Variants in THOC1 observed in about 807,000 individuals in gnomAD.
The protein encoded by THOC1 is THO complex 1.
THOC1 carries 29 observed loss-of-function variants against 97.3 expected under a neutral mutation model. That is an observed-to-expected ratio of 0.30 (90% CI 0.22 to 0.41). THOC1 has a LOEUF of 0.41. Among genes scored for constraint, THOC1 ranks in the 10% least tolerant of loss-of-function variants. The pLI is 1.00. For missense variants in THOC1, 529 were observed against 761.9 expected (o/e 0.69, Z 3.60); for synonymous variants, 255 against 257.0 (o/e 0.99, Z 0.07).
At position 226,789 on chromosome 18, in the gene THOC1, A is replaced by G. The variant is rs560300271; in HGVS notation, c.1019+12T>C. The G allele has an allele frequency of 1.6e-5, 25 of 1,593,688 alleles. 1 individual carries two copies. In the South Asian group the frequency reaches 2.5e-4, roughly 16 times the overall value. On this transcript the variant is annotated intron_variant, in intron 12 of 20. Coordinates refer to ENST00000261600, the MANE Select transcript of THOC1 (RefSeq NM_005131.3). ...ACTGTTTACAAATTGTTTACTACCC[A>G]TATTATCTTACCTTTTGAATTTGAC...
intron 7 of THOC1, among the ~76,000 whole-genome samples, chr18:255,728 T>G (rs1912416531): frequency 6.6e-6 from 1 of 152,236 alleles, no homozygotes; most frequent in Admixed American, 6.5e-5. Context: ...TATTGGAAGA[T>G]GCTGTTTAGG....
chr18:234,294 A>G (rs1158682127), intron 11 of THOC1, among the ~76,000 whole-genome samples: 1 of 152,070 alleles, frequency 6.6e-6, no homozygotes, highest in African/African-American at 2.4e-5. Flanking sequence ...TCTTATTGAA[A>G]TGGTTAGATC....
At position 247,832 on chromosome 18, in the gene THOC1, T is replaced by G; in HGVS notation, c.786+17A>C. ...ATAAAATACTGGGCTTCTGATAGTCTGTCAATGGCAACTTACCTTGAGAAA... is the reference window on the plus strand; with the variant it reads ...ATAAAATACTGGGCTTCTGATAGTCGGTCAATGGCAACTTACCTTGAGAAA... On this transcript the variant is annotated intron_variant, in intron 10 of 20. Transcript: ENST00000261600. 1 of 1,487,840 alleles carries G rather than the reference T, an allele frequency of 6.7e-7. No individual in the cohort carries two copies. The highest frequency in any genetic ancestry group is 9.3e-7 in the Non-Finnish European group (1 of 1,070,418). The allele number at this position is 1,487,840 out of a possible 1,614,324, so 92.2% of individuals were successfully genotyped here.
intron 7 of THOC1, among the ~76,000 whole-genome samples, chr18:257,103 C>T (rs377630618): frequency 1.6e-4 from 25 of 152,206 alleles, no homozygotes; most frequent in East Asian, 1.3e-3. Context: ...AACTTTTATA[C>T]GCACTGGGAA....
At chr18:267,532 C>T (rs1405409491) in intron 1 of THOC1, among the ~76,000 whole-genome samples, 1 of 152,192 alleles carries the variant, frequency 6.6e-6, no homozygotes, top group Non-Finnish European at 1.5e-5. Context: ...GGTGAAGAGA[C>T]GGCGGGAACA....
intron 9 of THOC1, among the ~76,000 whole-genome samples, chr18:251,700 C>T (rs1912284832): frequency 1.3e-5 from 2 of 152,114 alleles, no homozygotes; most frequent in African/African-American, 4.8e-5. Context: ...AAATAACTGG[C>T]ATGTCTAAAT....
intron 1 of THOC1, among the ~76,000 whole-genome samples, chr18:266,869 C>T (rs769866381): frequency 5.2e-4 from 79 of 152,084 alleles, no homozygotes; most frequent in Non-Finnish European, 7.5e-4. Flanking sequence ...CTAACAGTTA[C>T]TCTTAGCAGG....
At position 218,968 on chromosome 18, in the gene THOC1, C is replaced by T; in HGVS notation, c.1372G>A (p.Glu458Lys). 2 of 1,597,424 alleles carry T rather than the reference C, an allele frequency of 1.3e-6. No individual in the cohort carries two copies. Among genetic ancestry groups the T allele is most frequent in the East Asian group, 2.2e-5 (1 of 44,626 alleles). Residue 458 changes from glutamate (E) to lysine (K), a missense_variant and splice_region_variant, in exon 18 of 21, where the codon GAA becomes AAA. Physicochemically the swap from Glu to Lys is moderately conservative, Grantham distance 56. This residue lies in a region of THOC1 where 123 missense variants were observed against 159.0 expected (regional missense o/e 0.77). Transcript: ENST00000261600. The stretch of plus-strand genomic sequence containing the variant: ...AATTCCTCCAAAGTGGGCATGTGTT[C>T]CCTGAGCGGTACAAAAATAACCAGT... Reference protein sequence around the residue: ...NMEACKSETREHMPTLEEFFE... With the variant: ...NMEACKSETRKHMPTLEEFFE...
At chr18:252,494 GA>G (rs1443273558) in intron 9 of THOC1, 44 bp downstream of exon 9, 1 of 1,401,456 alleles carries the variant, frequency 7.1e-7, no homozygotes, top group Non-Finnish European at 1.0e-6. Flanking sequence ...AATAAATTAG[GA>G]GATTATCTCT....
chr18:243,387 G>A (rs891211875), intron 11 of THOC1, among the ~76,000 whole-genome samples: 1 of 152,032 alleles, frequency 6.6e-6, no homozygotes, highest in African/African-American at 2.4e-5. Context: ...GTTTAATCCT[G>A]CTGTTTTTCA....
intron 9 of THOC1, among the ~76,000 whole-genome samples, chr18:251,728 G>A (rs995256640): frequency 2.6e-4 from 39 of 152,322 alleles, no homozygotes; most frequent in African/African-American, 9.1e-4. Flanking sequence ...GGATAAGTGA[G>A]TGTGGGTGGG....
At chr18:240,558 T>A (rs542656351) in intron 11 of THOC1, among the ~76,000 whole-genome samples, 1 of 152,284 alleles carries the variant, frequency 6.6e-6, no homozygotes, top group Admixed American at 6.5e-5. Context: ...AGGTTTTGGC[T>A]ATAGTATTTA....
chr18:236,592 T>C (rs1005909884), intron 11 of THOC1, among the ~76,000 whole-genome samples: 2 of 151,926 alleles, frequency 1.3e-5, no homozygotes, highest in African/African-American at 4.8e-5. Flanking sequence ...CTCGATCTCC[T>C]GACCTCGTGA....
intron 11 of THOC1, among the ~76,000 whole-genome samples, chr18:231,045 C>G (rs1256782412): frequency 6.6e-6 from 1 of 152,216 alleles, no homozygotes; most frequent in Non-Finnish European, 1.5e-5. Context: ...GGCCATCATG[C>G]CTGGCCCAAA....
chr18:252,703 T>C, intron 8 of THOC1, 91 bp from the exon 9 acceptor site: 1 of 1,024,862 alleles, frequency 9.8e-7, no homozygotes, highest in Non-Finnish European at 1.5e-6. Flanking sequence ...TACACATTCC[T>C]AGGCAACCCA....
At chr18:220,831 TCTC>T (rs1911053073) in intron 17 of THOC1, among the ~76,000 whole-genome samples, 1 of 152,198 alleles carries the variant, frequency 6.6e-6, no homozygotes, top group Non-Finnish European at 1.5e-5. Context: ...TTTGTTATCT[TCTC>T]TATTGTTTGT....
At chr18:223,299 G>C in intron 17 of THOC1, 141 bp downstream of exon 17, 1 of 572,836 alleles carries the variant, frequency 1.7e-6, no homozygotes. Flanking sequence ...TTTATGGTGG[G>C]AAGTTACACG....
chr18:251,119 A>G (rs1298195720), intron 9 of THOC1, among the ~76,000 whole-genome samples: 1 of 152,230 alleles, frequency 6.6e-6, no homozygotes, highest in East Asian at 1.9e-4. Context: ...ATTTCTGATC[A>G]TCGTCTTATT....
intron 18 of THOC1, 81 bp from the exon 19 acceptor site, chr18:216,714 T>G (rs892945900): frequency 6.8e-7 from 1 of 1,462,606 alleles, no homozygotes; most frequent in African/African-American, 1.4e-5. Context: ...CATGTGTAAT[T>G]CTGTATTTAA....
Sources: allele counts gnomAD v4.1 joint callset (sites outside exome capture counted in the v4.1 genomes callset), GRCh38; gene constraint gnomAD v4.1.1; regional missense constraint gnomAD v4.1.1; transcripts MANE v1.5; gene names NCBI Gene and HGNC (gene_info 2026-07-23, HGNC 2026-07-21).